NTN1: variants seen among roughly 807,000 people sequenced by gnomAD.
The protein encoded by NTN1 is netrin 1, also known as netrin-1.
Under a neutral mutation model 54.2 loss-of-function variants are expected in NTN1, and 11 were observed. The ratio of observed to expected loss-of-function variants is 0.20; its 90% confidence interval spans 0.13 to 0.34. NTN1 has a LOEUF of 0.34. Ranked by LOEUF, NTN1 falls within the 10% of genes least tolerant of loss-of-function variation. The probability of loss-of-function intolerance (pLI) is 1.00; values close to 1 mark genes in which losing one functional copy is unlikely to be tolerated. For missense variants in NTN1, 740 were observed against 893.1 expected (o/e 0.83, Z 2.18); for synonymous variants, 371 against 382.0 (o/e 0.97, Z 0.33).
intron 5 of NTN1, among the ~76,000 whole-genome samples, chr17:9,215,867 T>C (rs1905207064): frequency 6.6e-6 from 1 of 152,264 alleles, no homozygotes; most frequent in African/African-American, 2.4e-5. Flanking sequence ...GTTGTCTTTT[T>C]CCTCTAAATT....
In NTN1 at chr17:9,189,527, T is replaced by A. The variant is rs569708094; in HGVS notation, c.1411+6558T>A. ...CCACTACGCCTGGCTAATTTTTGTA[T>A]TTTTAGTAGAGACGGGGTTTCACCA... On this transcript the variant is annotated intron_variant, in intron 5 of 6. Coordinates refer to ENST00000173229, the MANE Select transcript of NTN1 (RefSeq NM_004822.3). Among the ~76,000 whole-genome samples, 3 of 152,312 alleles carry A rather than the reference T, an allele frequency of 2.0e-5. No homozygotes were observed. In the South Asian group the frequency reaches 6.2e-4, roughly 32 times the overall value.
chr17:9,021,352 T>C (rs2091846461), upstream of NTN1, among the ~76,000 whole-genome samples: 1 of 147,118 alleles, frequency 6.8e-6, no homozygotes, highest in South Asian at 2.1e-4. Flanking sequence ...CCCACCCGCC[T>C]GTGCTCTCCC....
At chr17:9,054,290 T>G (rs1190940590) in intron 2 of NTN1, among the ~76,000 whole-genome samples, 3 of 152,294 alleles carry the variant, frequency 2.0e-5, no homozygotes, top group African/African-American at 7.2e-5. Flanking sequence ...GCCGAGATGT[T>G]AACTTCAGGA....
intron 2 of NTN1, among the ~76,000 whole-genome samples, chr17:9,121,673 G>A (rs189323585): frequency 2.0e-5 from 3 of 152,212 alleles, no homozygotes; most frequent in Non-Finnish European, 2.9e-5. Flanking sequence ...GTACCCCACC[G>A]GGTCAGCTGG....
intron 2 of NTN1, among the ~76,000 whole-genome samples, chr17:9,071,475 T>C (rs1353178366): frequency 1.3e-5 from 2 of 150,510 alleles, no homozygotes; most frequent in Middle Eastern, 3.2e-3. Context: ...TTTTAAAATA[T>C]GAAGTTTAAA....
At chr17:9,025,643 A>G (rs543941026) in intron 2 of NTN1, among the ~76,000 whole-genome samples, 147 of 152,348 alleles carry the variant, frequency 9.6e-4, no homozygotes, top group Non-Finnish European at 1.6e-3. Context: ...TACCTTGTAG[A>G]TATAGCTGGG....
chr17:9,149,031 C>T (rs1056215506), intron 2 of NTN1, among the ~76,000 whole-genome samples: 2 of 152,064 alleles, frequency 1.3e-5, no homozygotes, highest in Admixed American at 1.3e-4. Context: ...GTCATTAAGC[C>T]TCCCTTGCAC....
rs565014366 is a variant in NTN1 at position 9,125,193 on chromosome 17, C to A, written c.1019-37620C>A. On this transcript the variant is annotated intron_variant, in intron 2 of 6. Coordinates refer to ENST00000173229, the MANE Select transcript of NTN1 (RefSeq NM_004822.3). ...CCTCCCACCCCAGTCTCCTGAGTAGCTGGGACTACAGATGCATGCCACCAT... is the reference window on the plus strand; with the variant it reads ...CCTCCCACCCCAGTCTCCTGAGTAGATGGGACTACAGATGCATGCCACCAT... Among the ~76,000 whole-genome samples the A allele has an allele frequency of 2.0e-5, 3 of 151,330 alleles. No individual in the cohort carries two copies. The East Asian group carries it at 5.9e-4, about 30-fold the overall frequency.
intron 6 of NTN1, among the ~76,000 whole-genome samples, chr17:9,226,981 A>G (rs1462732377): frequency 1.1e-4 from 16 of 151,986 alleles, no homozygotes; most frequent in Admixed American, 1.0e-3. Flanking sequence ...CACCCCACCA[A>G]GCCAAGAGGC....
chr17:9,013,509 C>T, the NTN1 span, among the ~76,000 whole-genome samples: 1 of 152,178 alleles, frequency 6.6e-6, no homozygotes, highest in African/African-American at 2.4e-5. Context: ...AGCCACCTCG[C>T]CCGGCCAGTA....
intron 2 of NTN1, among the ~76,000 whole-genome samples, chr17:9,149,322 G>A (rs1417675989): frequency 1.3e-5 from 2 of 151,398 alleles, no homozygotes; most frequent in Non-Finnish European, 2.9e-5. Flanking sequence ...TGGGCAGGGC[G>A]GGCAAGTCAC....
At chr17:9,080,471 A>G (rs1233228346) in intron 2 of NTN1, among the ~76,000 whole-genome samples, 1 of 152,238 alleles carries the variant, frequency 6.6e-6, no homozygotes, top group Non-Finnish European at 1.5e-5. Flanking sequence ...AACTTAGAAC[A>G]TTTGAAATCT....
intron 6 of NTN1, among the ~76,000 whole-genome samples, chr17:9,223,322 T>C (rs1167461751): frequency 2.0e-5 from 3 of 151,954 alleles, no homozygotes; most frequent in Non-Finnish European, 4.4e-5. Flanking sequence ...GAGGCCAAGG[T>C]GGGCAGATCA....
intron 6 of NTN1, among the ~76,000 whole-genome samples, chr17:9,226,410 CCG>C (rs1567744889): frequency 2.0e-5 from 3 of 146,774 alleles, no homozygotes; most frequent in African/African-American, 7.6e-5. Context: ...GGGGTGGGGG[CCG>C]TGGGGAGGCG....
At chr17:9,059,206 C>A (rs1208341922) in intron 2 of NTN1, among the ~76,000 whole-genome samples, 1 of 152,088 alleles carries the variant, frequency 6.6e-6, no homozygotes, top group Non-Finnish European at 1.5e-5. Context: ...ACAAATAACC[C>A]TGGGGAAAAT....
intron 5 of NTN1, among the ~76,000 whole-genome samples, chr17:9,185,588 T>TG (rs2092430869): frequency 6.6e-6 from 1 of 151,138 alleles, no homozygotes; most frequent in Admixed American, 6.6e-5. Flanking sequence ...GTAGTGTCTG[T>TG]GGGGGTCTGG....
intron 2 of NTN1, among the ~76,000 whole-genome samples, chr17:9,152,228 G>T (rs118094471): frequency 6.6e-6 from 1 of 152,154 alleles, no homozygotes; most frequent in African/African-American, 2.4e-5. Flanking sequence ...GAGCGAGACC[G>T]GGAACCCACT....
chr17:9,136,038 C>T (rs1480248724), intron 2 of NTN1, among the ~76,000 whole-genome samples: 5 of 152,222 alleles, frequency 3.3e-5, no homozygotes, highest in Non-Finnish European at 7.3e-5. Flanking sequence ...TCGTGTCCCC[C>T]TGGTGCGATG....
At chr17:9,078,307 G>T (rs1237989751) in intron 2 of NTN1, among the ~76,000 whole-genome samples, 1 of 152,178 alleles carries the variant, frequency 6.6e-6, no homozygotes, top group Non-Finnish European at 1.5e-5. Flanking sequence ...TTCCCTGGGT[G>T]GGGGCAGTGG....
Sources: gnomAD v4.1 joint callset for allele counts (sites outside exome capture counted in the v4.1 genomes callset) on GRCh38, gnomAD v4.1.1 for gene constraint, MANE v1.5 for transcripts, NCBI Gene and HGNC (gene_info 2026-07-23, HGNC 2026-07-21) for gene names.